The following DOCK4 variants were observed in gnomAD, a reference collection of about 807,000 sequenced individuals.
DOCK4 encodes the protein dedicator of cytokinesis protein 4.
In DOCK4, 97 loss-of-function variants were observed where a neutral mutation model predicts 268.1. That is an observed-to-expected ratio of 0.36 (90% CI 0.31 to 0.43). The LOEUF (loss-of-function observed/expected upper bound fraction) is 0.43, where lower values mean the gene tolerates loss of function less well. Ranked by LOEUF, DOCK4 falls within the 20% of genes least tolerant of loss-of-function variation. The pLI is 1.00. For missense variants in DOCK4, 2,145 were observed against 2,455.7 expected (o/e 0.87, Z 2.67); for synonymous variants, 954 against 887.2 (o/e 1.08, Z -1.34).
rs1797989992 is a variant in DOCK4 at position 111,769,607 on chromosome 7, C to G, written c.3750G>C (p.Leu1250=). ...GCCATTCTGTTTGCATGGGGTAGGT[C>G]AGGAACTCCCTGAGGGGCCGATCAG... ...EWSDRPLREF[L]TYPMQTEWQR... Residue 1250 remains leucine (L), a synonymous_variant, in exon 37 of 53, where the codon CTG becomes CTC. Coordinates refer to ENST00000428084, the MANE Select transcript of DOCK4 (RefSeq NM_001363540.2). 1 of 1,613,630 alleles carries G rather than the reference C, an allele frequency of 6.2e-7. No homozygotes were observed. The highest frequency in any genetic ancestry group is 8.5e-7 in the Non-Finnish European group (1 of 1,179,830).
intron 1 of DOCK4, among the ~76,000 whole-genome samples, chr7:112,195,641 C>G (rs903237562): frequency 1.3e-5 from 2 of 151,822 alleles, no homozygotes; most frequent in Admixed American, 6.6e-5. Context: ...TGCATCCCCA[C>G]GTTCCCAAAC....
At chr7:111,754,389 A>G (rs1258841953) in intron 42 of DOCK4, among the ~76,000 whole-genome samples, 1 of 152,240 alleles carries the variant, frequency 6.6e-6, no homozygotes, top group Non-Finnish European at 1.5e-5. Flanking sequence ...ATTCTTGAAA[A>G]ACAATTTGGT....
At chr7:111,753,305 T>A (rs1796814385) in intron 42 of DOCK4, among the ~76,000 whole-genome samples, 1 of 152,094 alleles carries the variant, frequency 6.6e-6, no homozygotes, top group Non-Finnish European at 1.5e-5. Flanking sequence ...TGACACCTCA[T>A]CTCTACAACA....
intron 1 of DOCK4, among the ~76,000 whole-genome samples, chr7:112,138,751 G>C (rs1041017378): frequency 1.1e-4 from 17 of 152,110 alleles, no homozygotes; most frequent in Non-Finnish European, 1.8e-4. Flanking sequence ...CTCTTTGGTA[G>C]GTAATGAGGT....
intron 8 of DOCK4, among the ~76,000 whole-genome samples, chr7:111,969,435 AAAAAAC>A (rs1483330419): frequency 9.0e-5 from 12 of 133,176 alleles, no homozygotes; most frequent in African/African-American, 4.0e-4. Flanking sequence ...TTTTCTATTA[AAAAAAC>A]AAAAAAACAA....
At chr7:111,989,408 C>A (rs547678769) in intron 5 of DOCK4, among the ~76,000 whole-genome samples, 1 of 152,184 alleles carries the variant, frequency 6.6e-6, no homozygotes, top group South Asian at 2.1e-4. Flanking sequence ...TTACTTCTCA[C>A]GTGCTCCTTT....
At chr7:112,114,600 A>G (rs1273428792) in intron 1 of DOCK4, among the ~76,000 whole-genome samples, 1 of 152,210 alleles carries the variant, frequency 6.6e-6, no homozygotes. Context: ...CCTCAAGACA[A>G]CCAGCATTCT....
intron 23 of DOCK4, among the ~76,000 whole-genome samples, chr7:111,851,444 CAAAA>C (rs71524820): frequency 4.1e-5 from 3 of 73,114 alleles, no homozygotes; most frequent in African/African-American, 1.2e-4. Context: ...GACTCCATCT[CAAAA>C]AAAAAAAAAA....
intron 30 of DOCK4, among the ~76,000 whole-genome samples, chr7:111,800,304 T>C (rs1586023147): frequency 6.6e-6 from 1 of 151,936 alleles, no homozygotes; most frequent in Middle Eastern, 3.4e-3. Flanking sequence ...TTAAGTATGT[T>C]GTAGTCTGTG....
chr7:112,093,169 T>G lies in DOCK4; in HGVS notation c.38-89038A>C, dbSNP rs527719628. On this transcript the variant is annotated intron_variant, in intron 1 of 52. Coordinates refer to ENST00000428084, the MANE Select transcript of DOCK4 (RefSeq NM_001363540.2). ...ACGCTGTTGCTTGGAAGAATACAAGTAGGCACAATGTTACCCCAGAATTGC... is the reference window on the plus strand; with the variant it reads ...ACGCTGTTGCTTGGAAGAATACAAGGAGGCACAATGTTACCCCAGAATTGC... Among the ~76,000 whole-genome samples the G allele has an allele frequency of 9.2e-5, 14 of 152,158 alleles. No homozygotes were observed. The South Asian group carries it at 2.1e-3, about 23-fold the overall frequency.
intron 1 of DOCK4, among the ~76,000 whole-genome samples, chr7:112,140,325 C>G (rs1814783263): frequency 6.6e-6 from 1 of 152,164 alleles, no homozygotes; most frequent in African/African-American, 2.4e-5. Context: ...CACTCTAGTG[C>G]AGCAATGTCC....
intron 1 of DOCK4, among the ~76,000 whole-genome samples, chr7:112,202,469 A>G (rs1821028425): frequency 6.6e-6 from 1 of 152,110 alleles, no homozygotes; most frequent in Non-Finnish European, 1.5e-5. Flanking sequence ...TGGATTTTAA[A>G]TGTTTTTTAC....
At chr7:111,794,958 C>A (rs761579508) in intron 30 of DOCK4, among the ~76,000 whole-genome samples, 3 of 152,156 alleles carry the variant, frequency 2.0e-5, no homozygotes, top group Non-Finnish European at 4.4e-5. Flanking sequence ...AATTTCTCCT[C>A]TTAAAGTTGT....
intron 25 of DOCK4, among the ~76,000 whole-genome samples, chr7:111,842,514 C>T (rs1227264896): frequency 1.3e-5 from 2 of 152,192 alleles, no homozygotes; most frequent in African/African-American, 4.8e-5. Flanking sequence ...CCTAGACTTC[C>T]ACCCTCATGA....
chr7:112,093,544 C>G (rs1809832756), intron 1 of DOCK4, among the ~76,000 whole-genome samples: 1 of 152,074 alleles, frequency 6.6e-6, no homozygotes, highest in African/African-American at 2.4e-5. Context: ...TTCTAAGAAG[C>G]AAGGCTGCTT....
chr7:111,875,140 G>A (rs1806748698), intron 17 of DOCK4, among the ~76,000 whole-genome samples: 2 of 152,108 alleles, frequency 1.3e-5, no homozygotes, highest in Non-Finnish European at 2.9e-5. Flanking sequence ...CATTGACAAG[G>A]TTAATCAAAG....
At chr7:112,045,910 C>T (rs901513523) in intron 1 of DOCK4, among the ~76,000 whole-genome samples, 3 of 152,132 alleles carry the variant, frequency 2.0e-5, no homozygotes, top group South Asian at 2.1e-4. Flanking sequence ...GTTAAATCCA[C>T]GCCTCATAAC....
chr7:111,744,929 T>A (rs554002270), intron 44 of DOCK4, among the ~76,000 whole-genome samples: 1 of 152,356 alleles, frequency 6.6e-6, no homozygotes, highest in South Asian at 2.1e-4. Flanking sequence ...CCTCATTTTC[T>A]AATCCAAAGA....
chr7:111,850,817 T>C (rs189942391), intron 23 of DOCK4, among the ~76,000 whole-genome samples: 153 of 151,488 alleles, frequency 1.0e-3, no homozygotes, highest in Middle Eastern at 3.4e-3. Flanking sequence ...CCCACCCATC[T>C]CCCTTTGCTG....
Sources: gnomAD v4.1 joint callset for allele counts (sites outside exome capture counted in the v4.1 genomes callset) on GRCh38, gnomAD v4.1.1 for gene constraint, MANE v1.5 for transcripts, NCBI Gene and HGNC (gene_info 2026-07-23, HGNC 2026-07-21) for gene names.